Variants in CRPPA observed in about 807,000 individuals in gnomAD.
CRPPA encodes CDP-L-ribitol pyrophosphorylase A, also known as D-ribitol-5-phosphate cytidylyltransferase.
In CRPPA, 43 loss-of-function variants were observed where a neutral mutation model predicts 52.0. That is an observed-to-expected ratio of 0.83 (90% confidence interval 0.65 to 1.07). The LOEUF (loss-of-function observed/expected upper bound fraction) is 1.07, where lower values mean the gene tolerates loss of function less well. Among genes scored for constraint, CRPPA ranks in the 50% least tolerant of loss-of-function variants. The probability of loss-of-function intolerance (pLI) is 0.00; values close to 1 mark genes in which losing one functional copy is unlikely to be tolerated. For missense variants in CRPPA, 629 were observed against 551.7 expected, an observed-to-expected ratio of 1.14 and a Z score of -1.40; for synonymous variants, 250 against 203.5, an observed-to-expected ratio of 1.23 and a Z score of -1.94.
chr7:16,108,676 A>G (rs942921762), intron 9 of CRPPA, among the ~76,000 whole-genome samples: 5 of 152,004 alleles, frequency 3.3e-5, no homozygotes, highest in African/African-American at 1.2e-4. Flanking sequence ...AGCAGATGAA[A>G]TATTCTCCGG....
At chr7:16,174,449 C>T (rs936211317) in intron 9 of CRPPA, among the ~76,000 whole-genome samples, 3 of 152,088 alleles carry the variant, frequency 2.0e-5, no homozygotes, top group Non-Finnish European at 2.9e-5. Context: ...TAATAAAACT[C>T]GTTAGAGAAA....
chr7:16,347,761 G>A (rs1786052213), intron 3 of CRPPA, among the ~76,000 whole-genome samples: 1 of 152,166 alleles, frequency 6.6e-6, no homozygotes, highest in South Asian at 2.1e-4. Context: ...CATAGGCACT[G>A]TACCATAAAA....
At chr7:16,228,276 C>T (rs902998735) in intron 8 of CRPPA, among the ~76,000 whole-genome samples, 1 of 151,764 alleles carries the variant, frequency 6.6e-6, no homozygotes, top group African/African-American at 2.4e-5. Context: ...CTCTTAGTTT[C>T]GTAGATCTAT....
intron 9 of CRPPA, among the ~76,000 whole-genome samples, chr7:16,188,003 C>A (rs572101848): frequency 6.6e-6 from 1 of 150,964 alleles, no homozygotes; most frequent in Non-Finnish European, 1.5e-5. Flanking sequence ...AAATGAGGAC[C>A]TGAACCAATG....
chr7:16,105,023 T>G (rs553840812), intron 9 of CRPPA, among the ~76,000 whole-genome samples: 1 of 151,906 alleles, frequency 6.6e-6, no homozygotes, highest in Admixed American at 6.6e-5. Context: ...GAGAAAACAG[T>G]GAAAACAGTG....
chr7:16,159,455 G>C (rs1317313887), intron 9 of CRPPA, among the ~76,000 whole-genome samples: 2 of 152,112 alleles, frequency 1.3e-5, no homozygotes, highest in East Asian at 3.9e-4. Context: ...TTGGTTTTCT[G>C]TTCCTGTGTT....
intron 9 of CRPPA, among the ~76,000 whole-genome samples, chr7:16,171,509 G>A (rs1781186129): frequency 6.6e-6 from 1 of 152,088 alleles, no homozygotes; most frequent in Admixed American, 6.5e-5. Flanking sequence ...TCTCAGGCCT[G>A]TAATCCCAGC....
chr7:16,361,628 G>C (rs1433061611), intron 3 of CRPPA, among the ~76,000 whole-genome samples: 1 of 152,142 alleles, frequency 6.6e-6, no homozygotes, highest in African/African-American at 2.4e-5. Flanking sequence ...ATTACATGAG[G>C]TACCTAGAAT....
rs779292675 is a variant in CRPPA at position 16,089,447 on chromosome 7, G to A, written c.*2248C>T. 1.0e-4 allele frequency: 30 copies of A among 290,600 alleles called. No homozygotes were observed. Among genetic ancestry groups the A allele is most frequent in the African/African-American group, 4.3e-4 (15 of 35,166 alleles). The allele number at this position is 290,600 out of a possible 1,614,324, so 18.0% of individuals were successfully genotyped here. A position where few individuals can be genotyped will look rare whatever the true frequency, so the allele number is the denominator to read the frequency against. ...TACATATATGTGTATATATGTACGT[G>A]CATACATATATGTGTATATATGTAC... On this transcript the variant is annotated 3_prime_UTR_variant, in exon 10 of 10. Coordinates refer to ENST00000407010, the MANE Select transcript of CRPPA (RefSeq NM_001101426.4).
intron 5 of CRPPA, among the ~76,000 whole-genome samples, chr7:16,299,523 T>C (rs183231208): frequency 1.4e-4 from 21 of 152,306 alleles, no homozygotes; most frequent in Non-Finnish European, 2.5e-4. Context: ...ACAATGCTGC[T>C]GGTCTAGAGC....
chr7:16,287,696 T>A (rs749053430), intron 5 of CRPPA, among the ~76,000 whole-genome samples: 13 of 152,140 alleles, frequency 8.5e-5, no homozygotes, highest in Middle Eastern at 3.4e-3. Flanking sequence ...CCAAAGCGAA[T>A]GGATTGCTTG....
In CRPPA at chr7:16,326,701, A is replaced by C. The variant is rs1583521433; in HGVS notation, c.685-18074T>G. On this transcript the variant is annotated intron_variant, in intron 3 of 9. Transcript: ENST00000407010. ...TTGCCAAATCCTATAGCATTTGTTAAGTAGTTGTGTGACTCTCTTTTTCGC... is the reference window on the plus strand; with the variant it reads ...TTGCCAAATCCTATAGCATTTGTTACGTAGTTGTGTGACTCTCTTTTTCGC... Among the ~76,000 whole-genome samples, 3 of 152,296 alleles carry C rather than the reference A, an allele frequency of 2.0e-5. No individual in the cohort carries two copies. In the East Asian group the frequency reaches 5.8e-4, roughly 29 times the overall value.
At chr7:16,149,646 G>T (rs1241064854) in intron 9 of CRPPA, among the ~76,000 whole-genome samples, 2 of 152,128 alleles carry the variant, frequency 1.3e-5, no homozygotes, top group Non-Finnish European at 2.9e-5. Context: ...CTAGCAAGTT[G>T]ATTCATAAAA....
At chr7:16,410,625 C>A (rs1407845576) in intron 1 of CRPPA, among the ~76,000 whole-genome samples, 2 of 152,160 alleles carry the variant, frequency 1.3e-5, no homozygotes, top group Non-Finnish European at 2.9e-5. Context: ...GAGGTCATCC[C>A]CTGCTGGCTC....
chr7:16,392,361 C>G (rs568797390), intron 2 of CRPPA, among the ~76,000 whole-genome samples: 1 of 152,298 alleles, frequency 6.6e-6, no homozygotes, highest in African/African-American at 2.4e-5. Flanking sequence ...AAACATCCAT[C>G]TCAGTAGAGC....
At chr7:16,269,648 T>C (rs1784044840) in intron 6 of CRPPA, 1 of 152,158 alleles carries the variant, frequency 6.6e-6, no homozygotes, top group South Asian at 2.1e-4. Context: ...AGTAACAAGA[T>C]AACACGATAA....
intron 8 of CRPPA, chr7:16,248,189 A>G (rs1410931304): frequency 6.6e-6 from 1 of 152,092 alleles, no homozygotes; most frequent in Non-Finnish European, 1.5e-5. Flanking sequence ...AGAAAAAAAA[A>G]TTAGCCAAAT....
At chr7:16,143,933 G>T (rs1171827790) in intron 9 of CRPPA, among the ~76,000 whole-genome samples, 1 of 152,108 alleles carries the variant, frequency 6.6e-6, no homozygotes, top group Non-Finnish European at 1.5e-5. Flanking sequence ...ATTTGAAGGG[G>T]TATATTAACA....
intron 3 of CRPPA, among the ~76,000 whole-genome samples, chr7:16,330,596 G>C (rs1204580034): frequency 2.0e-5 from 3 of 152,134 alleles, no homozygotes; most frequent in Non-Finnish European, 4.4e-5. Context: ...GCAAGTCTGA[G>C]AGTTAAAAAC....
Sources: gnomAD v4.1 joint callset for allele counts (sites outside exome capture counted in the v4.1 genomes callset) on GRCh38, gnomAD v4.1.1 for gene constraint, MANE v1.5 for transcripts, NCBI Gene and HGNC (gene_info 2026-07-23, HGNC 2026-07-21) for gene names.